Variants in CSMD1 observed in about 807,000 individuals in gnomAD.
CSMD1 encodes CUB and Sushi multiple domains 1, also known as CUB and sushi domain-containing protein 1.
Under a neutral mutation model 417.5 loss-of-function variants are expected in CSMD1, and 213 were observed. That is an observed-to-expected ratio of 0.51 (90% CI 0.46 to 0.57). CSMD1 has a LOEUF of 0.57. Ranked by LOEUF, CSMD1 falls within the 20% of genes least tolerant of loss-of-function variation. CSMD1 has a pLI of 0.00. For synonymous variants in CSMD1, 2,862 were observed against 1,736.8 expected (o/e 1.65, Z -16.11); for missense variants, 6,923 against 4,529.7 (o/e 1.53, Z -15.17).
chr8:3,956,098 G>C (rs1585030026), intron 5 of CSMD1, among the ~76,000 whole-genome samples: 3 of 152,160 alleles, frequency 2.0e-5, no homozygotes, highest in Admixed American at 2.0e-4. Flanking sequence ...GCTCGGCCAG[G>C]TTTCCTTTCT....
intron 10 of CSMD1, among the ~76,000 whole-genome samples, chr8:3,570,301 A>G (rs769381763): frequency 6.6e-6 from 1 of 152,258 alleles, no homozygotes; most frequent in Non-Finnish European, 1.5e-5. Context: ...TGTGATGGAT[A>G]TCACTGGTCA....
intron 29 of CSMD1, among the ~76,000 whole-genome samples, chr8:3,218,634 G>C (rs1014742624): frequency 2.6e-5 from 4 of 151,786 alleles, no homozygotes. Context: ...CACTTTGGGA[G>C]GCCGAGGCAG....
chr8:3,344,140 C>A (rs1489363787), intron 22 of CSMD1, among the ~76,000 whole-genome samples: 1 of 152,148 alleles, frequency 6.6e-6, no homozygotes, highest in African/African-American at 2.4e-5. Flanking sequence ...TTTTGACCAG[C>A]CGGGAGAGGG....
At chr8:4,690,430 G>T (rs1247253401) in intron 1 of CSMD1, among the ~76,000 whole-genome samples, 1 of 152,134 alleles carries the variant, frequency 6.6e-6, no homozygotes, top group Non-Finnish European at 1.5e-5. Context: ...AGCCAAAAAA[G>T]AAGAAAGTTG....
At chr8:4,599,291 G>A (rs1291651819) in intron 2 of CSMD1, among the ~76,000 whole-genome samples, 1 of 152,110 alleles carries the variant, frequency 6.6e-6, no homozygotes, top group African/African-American at 2.4e-5. Flanking sequence ...TACTGTGGTG[G>A]ATCATGTGGC....
At chr8:3,190,351 C>G (rs925863869) in intron 33 of CSMD1, among the ~76,000 whole-genome samples, 2 of 151,956 alleles carry the variant, frequency 1.3e-5, no homozygotes, top group Non-Finnish European at 2.9e-5. Flanking sequence ...TTGAGGAGCA[C>G]GTTCCCAACT....
intron 3 of CSMD1, among the ~76,000 whole-genome samples, chr8:4,197,066 G>T (rs957168188): frequency 6.6e-6 from 1 of 152,068 alleles, no homozygotes; most frequent in African/African-American, 2.4e-5. Flanking sequence ...CTGAGAGCTT[G>T]TGTTCTATGG....
chr8:4,091,395 T>C (rs1340640462), intron 3 of CSMD1, among the ~76,000 whole-genome samples: 2 of 152,224 alleles, frequency 1.3e-5, no homozygotes, highest in Admixed American at 1.3e-4. Context: ...AAATGAATTT[T>C]AATGAAGTTA....
At chr8:3,292,845 A>G (rs1006138400) in intron 25 of CSMD1, among the ~76,000 whole-genome samples, 2 of 151,424 alleles carry the variant, frequency 1.3e-5, no homozygotes, top group Non-Finnish European at 1.5e-5. Context: ...TAATATTGTT[A>G]TGTGTGAATT....
At chr8:3,373,525 T>C (rs1480015859) in intron 18 of CSMD1, 1 of 152,186 alleles carries the variant, frequency 6.6e-6, no homozygotes. Context: ...GAGAATTGAA[T>C]TGGTATTCTC....
chr8:4,791,330 G>A (rs1797676867), intron 1 of CSMD1, among the ~76,000 whole-genome samples: 1 of 152,118 alleles, frequency 6.6e-6, no homozygotes, highest in Admixed American at 6.5e-5. Flanking sequence ...TTCTTGGTGT[G>A]GACTTGTTTT....
chr8:4,547,160 T>G (rs894910822), intron 2 of CSMD1, among the ~76,000 whole-genome samples: 45 of 152,212 alleles, frequency 3.0e-4, no homozygotes, highest in African/African-American at 1.0e-3. Context: ...TGCTGTTTTC[T>G]GTCTCTATCC....
intron 3 of CSMD1, among the ~76,000 whole-genome samples, chr8:4,261,300 C>A (rs1803861199): frequency 6.6e-6 from 1 of 152,038 alleles, no homozygotes; most frequent in Non-Finnish European, 1.5e-5. Context: ...AGTGAAATAA[C>A]CCAGGCATAG....
At chr8:3,551,576 A>ATG (rs1371744082) in intron 10 of CSMD1, among the ~76,000 whole-genome samples, 2 of 120,810 alleles carry the variant, frequency 1.7e-5, no homozygotes, top group African/African-American at 6.8e-5. Flanking sequence ...TCTAATAAAT[A>ATG]TGTATATATA....
intron 10 of CSMD1, among the ~76,000 whole-genome samples, chr8:3,524,572 G>C (rs111162147): frequency 0.027 from 3,810 of 142,112 alleles, 152 homozygotes; most frequent in African/African-American, 0.093. Flanking sequence ...TGCATACCCA[G>C]ACACTTATGC....
chr8:3,902,716 A>G (rs1038918602), intron 5 of CSMD1, among the ~76,000 whole-genome samples: 2 of 152,106 alleles, frequency 1.3e-5, no homozygotes, highest in African/African-American at 2.4e-5. Flanking sequence ...GTACCAGTCC[A>G]TGGCCCCGGG....
intron 3 of CSMD1, among the ~76,000 whole-genome samples, chr8:4,300,064 G>A (rs541744434): frequency 6.6e-6 from 1 of 152,212 alleles, no homozygotes; most frequent in African/African-American, 2.4e-5. Flanking sequence ...TCTCATACAT[G>A]TCAGAACATC....
intron 23 of CSMD1, among the ~76,000 whole-genome samples, chr8:3,333,537 C>A (rs936166132): frequency 6.6e-6 from 1 of 152,148 alleles, no homozygotes; most frequent in Non-Finnish European, 1.5e-5. Flanking sequence ...ATAGATACTG[C>A]AATTTACAAA....
chr8:3,618,979 G>A (rs546382990), intron 7 of CSMD1, among the ~76,000 whole-genome samples: 90 of 152,226 alleles, frequency 5.9e-4, no homozygotes, highest in Middle Eastern at 3.4e-3. Flanking sequence ...ATGAGGAAGG[G>A]CGGCATAATT....
Sources: allele counts gnomAD v4.1 joint callset (sites outside exome capture counted in the v4.1 genomes callset), GRCh38; gene constraint gnomAD v4.1.1; transcripts MANE v1.5; gene names NCBI Gene and HGNC (gene_info 2026-07-23, HGNC 2026-07-21).